The following IL34 variants were observed in gnomAD, a reference collection of about 807,000 sequenced individuals.
IL34 encodes the protein interleukin-34.
Under a neutral mutation model 25.3 loss-of-function variants are expected in IL34, and 17 were observed. The observed-to-expected ratio is 0.67, with a 90% confidence interval of 0.46 to 1.01. IL34 has a LOEUF of 1.01. Among genes scored for constraint, IL34 ranks in the 50% least tolerant of loss-of-function variants. The probability of loss-of-function intolerance (pLI) is 0.00; values close to 1 mark genes in which losing one functional copy is unlikely to be tolerated. For synonymous variants in IL34, 174 were observed against 140.9 expected (o/e 1.23, Z -1.66); for missense variants, 368 against 312.9 (o/e 1.18, Z -1.33).
intron 1 of IL34, among the ~76,000 whole-genome samples, chr16:70,606,824 A>G (rs1473588024): frequency 6.6e-6 from 1 of 152,092 alleles, no homozygotes; most frequent in Admixed American, 6.6e-5. Flanking sequence ...CTAGGCTCAG[A>G]TGATCCTCCT....
intron 1 of IL34, among the ~76,000 whole-genome samples, chr16:70,616,011 T>C (rs1214714930): frequency 6.6e-6 from 1 of 152,186 alleles, no homozygotes; most frequent in Non-Finnish European, 1.5e-5. Flanking sequence ...ATAAAAGCTT[T>C]GCCACCTCTG....
chr16:70,657,390 T>C (rs1209126102), intron 4 of IL34: 2 of 424,896 alleles, frequency 4.7e-6, no homozygotes, highest in Admixed American at 4.0e-5. Flanking sequence ...TCCCTCTGGA[T>C]CCTGGGCAAG....
intron 1 of IL34, among the ~76,000 whole-genome samples, chr16:70,623,935 A>C (rs1294712871): frequency 1.4e-5 from 2 of 143,188 alleles, no homozygotes; most frequent in African/African-American, 2.6e-5. Context: ...GGTAATGTGG[A>C]GTGGGTAGCC....
chr16:70,620,907 T>G lies in IL34; in HGVS notation c.-400-25641T>G, dbSNP rs1402837986. ...TAAGGGAGAAGAAGGAGGAATGGAA[T>G]GTGGAATCTTACGTATAGTGAAGGA... On this transcript the variant is annotated intron_variant, in intron 1 of 6. Coordinates refer to the IL34 transcript ENST00000429149. 3.3e-5 allele frequency among the ~76,000 whole-genome samples: 5 copies of G among 151,920 alleles called. No homozygotes were observed. In the East Asian group the frequency reaches 7.7e-4, roughly 23 times the overall value.
upstream of IL34, among the ~76,000 whole-genome samples, chr16:70,642,009 G>C (rs2051795836): frequency 6.6e-6 from 1 of 152,170 alleles, no homozygotes; most frequent in Non-Finnish European, 1.5e-5. Flanking sequence ...AAAGAGTAAA[G>C]TACGGATACA....
At chr16:70,619,274 G>A (rs896007955) in intron 1 of IL34, among the ~76,000 whole-genome samples, 47 of 152,184 alleles carry the variant, frequency 3.1e-4, no homozygotes, top group African/African-American at 9.2e-4. Context: ...GTGCATGATC[G>A]GTCGCCAAGG....
chr16:70,583,722 G>A (rs372083766), intron 1 of IL34, among the ~76,000 whole-genome samples: 2 of 151,030 alleles, frequency 1.3e-5, no homozygotes, highest in African/African-American at 2.4e-5. Flanking sequence ...GTGTGATCTC[G>A]GCTCACTGCA....
chr16:70,596,307 G>C (rs1329199851), intron 1 of IL34, among the ~76,000 whole-genome samples: 1 of 152,162 alleles, frequency 6.6e-6, no homozygotes, highest in East Asian at 1.9e-4. Context: ...ATGAATTTTG[G>C]GGGAGACACA....
rs939447079 is a variant in IL34 at position 70,587,608 on chromosome 16, C to T, written c.-401+7559C>T. ...TTTGAATCCCAGCTCTGCCACCTGC[C>T]GCCTATAGGACCTTGGCAGAGTCAC... On this transcript the variant is annotated intron_variant, in intron 1 of 6. Coordinates refer to the IL34 transcript ENST00000429149. Among the ~76,000 whole-genome samples, 5 of 151,950 alleles carry T rather than the reference C, an allele frequency of 3.3e-5. No individual in the cohort carries two copies. The South Asian group carries it at 6.2e-4, about 19-fold the overall frequency.
chr16:70,587,553 G>C (rs1363475304), intron 1 of IL34, among the ~76,000 whole-genome samples: 3 of 152,000 alleles, frequency 2.0e-5, no homozygotes, highest in Non-Finnish European at 4.4e-5. Context: ...TTACAGGTGT[G>C]AGCCACCGCG....
chr16:70,642,592 G>A (rs905583482), upstream of IL34, among the ~76,000 whole-genome samples: 5 of 151,984 alleles, frequency 3.3e-5, no homozygotes, highest in Non-Finnish European at 5.9e-5. Flanking sequence ...CACTGAGCCC[G>A]GCCTGATTTC....
At chr16:70,615,301 G>A (rs1209521890) in intron 1 of IL34, among the ~76,000 whole-genome samples, 1 of 152,132 alleles carries the variant, frequency 6.6e-6, no homozygotes, top group Admixed American at 6.5e-5. Context: ...GAGGTCAAGA[G>A]ATCGAAACCA....
At chr16:70,620,617 G>C (rs933572560) in intron 1 of IL34, among the ~76,000 whole-genome samples, 5 of 152,032 alleles carry the variant, frequency 3.3e-5, no homozygotes, top group African/African-American at 7.2e-5. Context: ...AGGAAGATTT[G>C]GTACGAGTTG....
Position 70,613,797 on chromosome 16 carries a change from C to T in IL34, c.-400-32751C>T, listed in dbSNP as rs575998553. 2.0e-5 allele frequency among the ~76,000 whole-genome samples: 3 copies of T among 151,960 alleles called. No individual in the cohort carries two copies. The South Asian group carries it at 6.2e-4, about 32-fold the overall frequency. On this transcript the variant is annotated intron_variant, in intron 1 of 6. Coordinates refer to the IL34 transcript ENST00000429149. ...GCTGAGGCAGGAGGATTGCTTGATC[C>T]TGGGAGGTGGAGGTTGCAGTGAGCT...
At chr16:70,622,496 G>A (rs1004671799) in intron 1 of IL34, among the ~76,000 whole-genome samples, 1 of 151,780 alleles carries the variant, frequency 6.6e-6, no homozygotes, top group Non-Finnish European at 1.5e-5. Context: ...TTGTACTATA[G>A]CATAGCCTGC....
rs75180225 is a variant in IL34, at chr16:70,657,168, C to T, written c.402+47C>T. On this transcript the variant is annotated intron_variant, in intron 4 of 5. Coordinates refer to ENST00000288098, the MANE Select transcript of IL34 (RefSeq NM_001393494.1). The stretch of plus-strand genomic sequence containing the variant: ...CAGGTGGGGTGTGTGTGTGTGCACA[C>T]GTGTGTACATGTGTGTGAGGTGTGG... 1.2e-3 allele frequency: 1,944 copies of T among 1,587,774 alleles called. 30 individuals are homozygous for T. The East Asian group carries it at 0.037, about 30-fold the overall frequency.
intron 1 of IL34, among the ~76,000 whole-genome samples, chr16:70,602,924 C>T (rs1030897644): frequency 1.3e-5 from 2 of 151,920 alleles, no homozygotes. Context: ...TGGGGGCCAC[C>T]GCCAGCATGA....
chr16:70,643,357 C>G (rs1353720065), upstream of IL34, among the ~76,000 whole-genome samples: 1 of 151,994 alleles, frequency 6.6e-6, no homozygotes, highest in Non-Finnish European at 1.5e-5. Context: ...AGCCACTGCA[C>G]CTGGCTGTTG....
chr16:70,613,876 G>GAA (rs796663213), intron 1 of IL34, among the ~76,000 whole-genome samples: 1 of 128,388 alleles, frequency 7.8e-6, no homozygotes. Context: ...TCTGTCTCAG[G>GAA]AAAAAAAAAA....
Sources: gnomAD v4.1 joint callset for allele counts (sites outside exome capture counted in the v4.1 genomes callset) on GRCh38, gnomAD v4.1.1 for gene constraint, MANE v1.5 for transcripts, NCBI Gene and HGNC (gene_info 2026-07-23, HGNC 2026-07-21) for gene names.